The following BCAS3 variants were observed in gnomAD, a reference collection of about 807,000 sequenced individuals.
BCAS3 encodes the protein BCAS4/BCAS3 fusion.
Under a neutral mutation model 116.1 loss-of-function variants are expected in BCAS3, and 53 were observed. The ratio of observed to expected loss-of-function variants is 0.46; its 90% CI spans 0.37 to 0.57. The LOEUF is 0.57. Among genes scored for constraint, BCAS3 ranks in the 20% least tolerant of loss-of-function variants. The pLI, the probability that BCAS3 is intolerant of heterozygous loss-of-function variation, is 0.00. For missense variants in BCAS3, 917 were observed against 1,165.4 expected, an observed-to-expected ratio of 0.79 and a Z score of 3.10; for synonymous variants, 391 against 408.2, an observed-to-expected ratio of 0.96 and a Z score of 0.51.
rs1430011012 is a variant in BCAS3 at position 60,995,171 on chromosome 17, T to C, written c.1486+4936T>C. On this transcript the variant is annotated intron_variant, in intron 15 of 23. Transcript: ENST00000407086. This position sits in a 1 kb window ranked among gnomAD's most constrained non-coding sequence, Gnocchi z 4.7. ...TCTATTCTATTCTTTTCTTTTCTTT[T>C]AGACGGAGTCTTGCTCTGTCTCCCA... Among the ~76,000 whole-genome samples the C allele has an allele frequency of 1.3e-5, 2 of 151,350 alleles. No homozygotes were observed. The highest frequency in any genetic ancestry group is 3.9e-4 in the East Asian group (2 of 5,166).
At chr17:60,881,530 G>T (rs1227572107) in intron 9 of BCAS3, among the ~76,000 whole-genome samples, 1 of 150,654 alleles carries the variant, frequency 6.6e-6, no homozygotes, top group African/African-American at 2.4e-5. Flanking sequence ...ATGCTGGTGC[G>T]CTGCACCCAC....
chr17:61,053,554 T>C (rs1308690934), intron 19 of BCAS3, among the ~76,000 whole-genome samples: 2 of 152,252 alleles, frequency 1.3e-5, no homozygotes, highest in African/African-American at 2.4e-5. Flanking sequence ...TCTTATGAGC[T>C]GCTCCCTTTC....
At chr17:60,780,059 G>T (rs575074755) in intron 6 of BCAS3, among the ~76,000 whole-genome samples, 9 of 150,116 alleles carry the variant, frequency 6.0e-5, no homozygotes, top group African/African-American at 2.2e-4. Flanking sequence ...GCGCCATCTC[G>T]GCTCACTGCA....
At chr17:61,003,269 A>AT (rs532736404) in intron 15 of BCAS3, among the ~76,000 whole-genome samples, 3 of 146,994 alleles carry the variant, frequency 2.0e-5, no homozygotes, top group Non-Finnish European at 4.5e-5. Flanking sequence ...TTTTCTTTGA[A>AT]TTTTTTTTAT....
chr17:60,694,021 G>T (rs1034378034), intron 4 of BCAS3, among the ~76,000 whole-genome samples: 2 of 150,358 alleles, frequency 1.3e-5, no homozygotes, highest in Non-Finnish European at 2.9e-5. Context: ...GAGTAGCTGG[G>T]ACTACAGGCA....
At chr17:61,002,652 A>C in intron 15 of BCAS3, 1 of 152,310 alleles carries the variant, frequency 6.6e-6, no homozygotes, top group South Asian at 2.1e-4. Flanking sequence ...CTTTCTGAGT[A>C]CTACATGCAG....
chr17:60,815,529 G>A (rs1208126043), intron 7 of BCAS3, among the ~76,000 whole-genome samples: 1 of 152,048 alleles, frequency 6.6e-6, no homozygotes, highest in African/African-American at 2.4e-5. Flanking sequence ...TCCTTCACCT[G>A]CTTCCAGTTT....
chr17:61,262,905 T>C lies in BCAS3; in HGVS notation c.2426-105422T>C, dbSNP rs536092088. 2.0e-5 allele frequency among the ~76,000 whole-genome samples: 3 copies of C among 151,878 alleles called. No homozygotes were observed. The East Asian group carries it at 5.8e-4, about 30-fold the overall frequency. On this transcript the variant is annotated intron_variant, in intron 22 of 23. Transcript: ENST00000407086. Reference sequence around the variant, plus strand: ...TGGGGTTTCTCCATGTTGGTCAGGCTGGTCTCGAATTCCTGACCTCAGGTG... The same window carrying C: ...TGGGGTTTCTCCATGTTGGTCAGGCCGGTCTCGAATTCCTGACCTCAGGTG...
chr17:61,120,150 A>G (rs1295240523), intron 22 of BCAS3, among the ~76,000 whole-genome samples: 1 of 152,148 alleles, frequency 6.6e-6, no homozygotes, highest in African/African-American at 2.4e-5. Context: ...TGTATCTGAA[A>G]GTATACAGGC....
intron 7 of BCAS3, among the ~76,000 whole-genome samples, chr17:60,842,874 T>A (rs78164896): frequency 0.031 from 4,617 of 151,154 alleles, 179 homozygotes; most frequent in East Asian, 0.092. Context: ...TTTTTTTTTT[T>A]ATATTTTTAT....
At chr17:60,863,355 G>A (rs1473763030) in intron 7 of BCAS3, among the ~76,000 whole-genome samples, 2 of 152,034 alleles carry the variant, frequency 1.3e-5, no homozygotes, top group Non-Finnish European at 2.9e-5. Flanking sequence ...ATATCTCAGA[G>A]ATATTATATA....
intron 19 of BCAS3, among the ~76,000 whole-genome samples, chr17:61,045,462 G>A (rs1326687443): frequency 6.7e-6 from 1 of 149,678 alleles, no homozygotes; most frequent in Non-Finnish European, 1.5e-5. Flanking sequence ...AGTGGGCTGT[G>A]ATTACACCAC....
rs2076079609 is a variant in BCAS3 at position 61,126,998 on chromosome 17, A to G, written c.2425+42434A>G. ...CCTTCGTCACAGGCACTTAAGTTTT[A>G]GATTGCATTTAAATTAGGATACATC... On this transcript the variant is annotated intron_variant, in intron 22 of 23. Coordinates refer to ENST00000407086, the MANE Select transcript of BCAS3 (RefSeq NM_017679.5). The surrounding 1 kb of genome is among the most constrained non-coding windows in gnomAD (Gnocchi z 4.6). Among the ~76,000 whole-genome samples, 1 of 152,142 alleles carries G rather than the reference A, an allele frequency of 6.6e-6. No individual in the cohort carries two copies. Among genetic ancestry groups the G allele is most frequent in the Non-Finnish European group, 1.5e-5 (1 of 68,012 alleles).
rs534614181 is a variant in BCAS3, at chr17:60,997,050, G to A, written c.1486+6815G>A. Among the ~76,000 whole-genome samples, 18 of 152,274 alleles carry A rather than the reference G, an allele frequency of 1.2e-4. No individual in the cohort carries two copies. The South Asian group carries it at 3.5e-3, about 30-fold the overall frequency. On this transcript the variant is annotated intron_variant, in intron 15 of 23. Transcript: ENST00000407086. ...GGGTGGGAGGTTTTGGGATTAAACG[G>A]TTCCATCTGAGATCACCGGGCATGA...
At chr17:60,840,204 G>T (rs1326892971) in intron 7 of BCAS3, among the ~76,000 whole-genome samples, 2 of 152,090 alleles carry the variant, frequency 1.3e-5, no homozygotes, top group Non-Finnish European at 2.9e-5. Context: ...TATGAAACTT[G>T]AGTTTTGGAA....
chr17:60,864,272 T>C (rs941461389), intron 7 of BCAS3, among the ~76,000 whole-genome samples: 1 of 152,194 alleles, frequency 6.6e-6, no homozygotes, highest in Non-Finnish European at 1.5e-5. Flanking sequence ...GCATGGAAAT[T>C]GGATTATAAT....
rs897300705 is a variant in BCAS3, at chr17:61,249,803, G to A, written c.2426-118524G>A. ...ACCTTAATCTGTTATCTGTCAAAAG[G>A]GAAAAAACTTTCTGTTATCTACCTG... On this transcript the variant is annotated intron_variant, in intron 22 of 23. Transcript: ENST00000407086. The surrounding 1 kb of genome is among the most constrained non-coding windows in gnomAD (Gnocchi z 6.2). 1.3e-5 allele frequency among the ~76,000 whole-genome samples: 2 copies of A among 151,450 alleles called. No homozygotes were observed. Among genetic ancestry groups the A allele is most frequent in the African/African-American group, 4.8e-5 (2 of 41,366 alleles).
At chr17:60,836,419 A>G (rs1220128535) in intron 7 of BCAS3, among the ~76,000 whole-genome samples, 3 of 152,158 alleles carry the variant, frequency 2.0e-5, no homozygotes, top group Non-Finnish European at 4.4e-5. Context: ...GGAAGCTTAT[A>G]CGGTAGTTCT....
chr17:60,715,616 G>A (rs1485239126), intron 5 of BCAS3, among the ~76,000 whole-genome samples: 2 of 151,930 alleles, frequency 1.3e-5, no homozygotes, highest in South Asian at 2.1e-4. Flanking sequence ...AGCCTCATGA[G>A]TAGCTGGGAT....
Sources: gnomAD v4.1 joint callset for allele counts (sites outside exome capture counted in the v4.1 genomes callset) on GRCh38, gnomAD v4.1.1 for gene constraint, Gnocchi (gnomAD v3.1) non-coding constraint, MANE v1.5 for transcripts, NCBI Gene and HGNC (gene_info 2026-07-23, HGNC 2026-07-21) for gene names.